The following MAP3K4 variants were observed in gnomAD, a reference collection of about 807,000 sequenced individuals.
MAP3K4 encodes mitogen-activated protein kinase kinase kinase 4.
MAP3K4 carries 67 observed loss-of-function variants against 185.6 expected under a neutral mutation model. That is an observed-to-expected ratio of 0.36 (90% CI 0.30 to 0.44). The LOEUF (loss-of-function observed/expected upper bound fraction) is 0.44. Among genes scored for constraint, MAP3K4 ranks in the 20% least tolerant of loss-of-function variants. The pLI, the probability that MAP3K4 is intolerant of heterozygous loss-of-function variation, is 1.00. For missense variants in MAP3K4, 1,551 were observed against 1,995.1 expected, an observed-to-expected ratio of 0.78 and a Z score of 4.24; for synonymous variants, 702 against 710.4, an observed-to-expected ratio of 0.99 and a Z score of 0.19.
rs1456695997 is a variant in MAP3K4 at position 161,080,919 on chromosome 6, A to G, written c.2136A>G (p.Leu712=). Residue 712 remains leucine (L), a synonymous_variant, in exon 6 of 27, where the codon CTA becomes CTG. Transcript: ENST00000392142. The surrounding 1 kb of genome is among the most constrained non-coding windows in gnomAD (Gnocchi z 4.8). ...ACATGAGAAGCTGGATCCAAATGCT[A>G]CAGCAATTACCTCAAGCATCGCATA... ...FDYMRSWIQM[L]QQLPQASHSL... 1.2e-6 allele frequency: 2 copies of G among 1,614,086 alleles called. No individual in the cohort carries two copies. The highest frequency in any genetic ancestry group is 1.7e-6 in the Non-Finnish European group (2 of 1,179,946).
chr6:161,081,600 G>T (rs951460684), intron 6 of MAP3K4, among the ~76,000 whole-genome samples: 1 of 152,200 alleles, frequency 6.6e-6, no homozygotes, highest in Non-Finnish European at 1.5e-5. Context: ...AGGAATAGAA[G>T]TGTAAACAAG....
At chr6:161,000,813 A>G (rs1781240011) in intron 1 of MAP3K4, among the ~76,000 whole-genome samples, 1 of 141,542 alleles carries the variant, frequency 7.1e-6, no homozygotes, top group African/African-American at 3.0e-5. Context: ...ACCCATATAT[A>G]CACACATGTG....
In MAP3K4 at chr6:161,037,027, A is replaced by G. The variant is rs1449313282; in HGVS notation, c.343+2578A>G. Among the ~76,000 whole-genome samples, 1 of 152,222 alleles carries G rather than the reference A, an allele frequency of 6.6e-6. No individual in the cohort carries two copies. Among genetic ancestry groups the G allele is most frequent in the Non-Finnish European group, 1.5e-5 (1 of 68,046 alleles). On this transcript the variant is annotated intron_variant, in intron 2 of 26. Transcript: ENST00000392142. This position sits in a 1 kb window ranked among gnomAD's most constrained non-coding sequence, Gnocchi z 4.2. ...GAAGTTTTACGGCTTTCAATTTTAA[A>G]TGTCTCAGTCACATGTATATTAGAA...
chr6:161,092,169 A>T, intron 13 of MAP3K4, 26 bp downstream of exon 13: 2 of 1,612,958 alleles, frequency 1.2e-6, no homozygotes, highest in South Asian at 2.2e-5. Flanking sequence ...GATGTTTCTG[A>T]AATGTGTCAT....
At position 161,045,233 on chromosome 6, in the gene MAP3K4, G is replaced by T. The variant is rs144388135; in HGVS notation, c.344-3383G>T. ...TTGGGTTTTGTTTTGGGGTGGGGGG[G>T]AACAAAAAGCTTCTCTGTCCCATCT... is the stretch of plus-strand genomic sequence containing the variant. On this transcript the variant is annotated intron_variant, in intron 2 of 26. Coordinates refer to ENST00000392142, the MANE Select transcript of MAP3K4 (RefSeq NM_005922.4). Among the ~76,000 whole-genome samples, 276 of 151,704 alleles carry T rather than the reference G, an allele frequency of 1.8e-3. 4 individuals are homozygous for T. Among genetic ancestry groups the T allele is most frequent in the African/African-American group, 6.1e-3 (253 of 41,362 alleles).
intron 6 of MAP3K4, among the ~76,000 whole-genome samples, chr6:161,081,713 G>C (rs1052753301): frequency 1.3e-5 from 2 of 152,200 alleles, no homozygotes; most frequent in Non-Finnish European, 2.9e-5. Flanking sequence ...CACAGGCCGC[G>C]TCTCCGTGGT....
chr6:161,076,344 C>T lies in MAP3K4; in HGVS notation c.2097+2732C>T, dbSNP rs1281738623. 2.0e-5 allele frequency among the ~76,000 whole-genome samples: 3 copies of T among 152,058 alleles called. No homozygotes were observed. Among genetic ancestry groups the T allele is most frequent in the Non-Finnish European group, 2.9e-5 (2 of 68,034 alleles). ...CTTCTCTGGTTGTCAGGAAGACTGC[C>T]GAATGGGAGCTCTCTTAGCAGGGGG... On this transcript the variant is annotated intron_variant, in intron 5 of 26. Transcript: ENST00000392142. The surrounding 1 kb of genome is among the most constrained non-coding windows in gnomAD (Gnocchi z 4.2).
chr6:161,050,309 A>G (rs765633202), intron 3 of MAP3K4, among the ~76,000 whole-genome samples: 1 of 152,232 alleles, frequency 6.6e-6, no homozygotes, highest in Non-Finnish European at 1.5e-5. Context: ...CATGTGAGTC[A>G]GGAAAAAAGT....
At position 161,002,595 on chromosome 6, in the gene MAP3K4, T is replaced by C. The variant is rs1223090476; in HGVS notation, c.152+10512T>C. Among the ~76,000 whole-genome samples, 6 of 143,140 alleles carry C rather than the reference T, an allele frequency of 4.2e-5. No homozygotes were observed. The East Asian group carries it at 9.9e-4, about 24-fold the overall frequency. 93.9% of individuals were successfully genotyped at this position (143,140 alleles called of 152,430 possible). A position where few individuals can be genotyped will look rare whatever the true frequency, so the allele number is the denominator to read the frequency against. On this transcript the variant is annotated intron_variant, in intron 1 of 26. Coordinates refer to ENST00000392142, the MANE Select transcript of MAP3K4 (RefSeq NM_005922.4). ...CATCTAAAAATAGTTTTGGCTTTTTTTTTTTTTTTTTTTTGAGATGGAGTC... is the reference window on the plus strand; with the variant it reads ...CATCTAAAAATAGTTTTGGCTTTTTCTTTTTTTTTTTTTTGAGATGGAGTC...
At chr6:161,039,514 C>G (rs1483352681) in intron 2 of MAP3K4, among the ~76,000 whole-genome samples, 1 of 152,120 alleles carries the variant, frequency 6.6e-6, no homozygotes, top group Admixed American at 6.5e-5. Context: ...ATTGTAAATT[C>G]AGATCTTGAG....
chr6:161,004,856 G>A (rs1181404598), intron 1 of MAP3K4, among the ~76,000 whole-genome samples: 2 of 152,174 alleles, frequency 1.3e-5, no homozygotes, highest in Non-Finnish European at 2.9e-5. Flanking sequence ...CTTGCTGTTT[G>A]TGCAGATAAT....
At chr6:160,994,300 C>T (rs1780891275) in intron 1 of MAP3K4, among the ~76,000 whole-genome samples, 1 of 152,166 alleles carries the variant, frequency 6.6e-6, no homozygotes, top group Non-Finnish European at 1.5e-5. Flanking sequence ...CGCTCTGAGC[C>T]TTCCCCCGAG....
In MAP3K4 at chr6:161,106,628, C is replaced by T. The variant is rs368883700; in HGVS notation, c.3971C>T (p.Thr1324Met). The T allele has an allele frequency of 8.7e-6, 14 of 1,613,728 alleles. No homozygotes were observed. Among genetic ancestry groups the T allele is most frequent in the Non-Finnish European group, 1.2e-5 (14 of 1,179,896 alleles). Residue 1324 changes from threonine to methionine, a missense_variant, in exon 20 of 27, where the codon ACG becomes ATG. Thr to Met is a moderately conservative substitution (Grantham distance 81, BLOSUM62 -1). This residue lies in a region of MAP3K4 where 272 missense variants were observed against 301.2 expected (regional missense o/e 0.90). Transcript: ENST00000392142. This position sits in a 1 kb window ranked among gnomAD's most constrained non-coding sequence, Gnocchi z 4.9. Reference sequence around the variant, plus strand: ...AATATCATTGGTCAAGTTTGTGATACGCCTAAGTCCTATGATAATGTTATG... The same window carrying T: ...AATATCATTGGTCAAGTTTGTGATATGCCTAAGTCCTATGATAATGTTATG... ...RKNIIGQVCD[T>M]PKSYDNVMHV...
In MAP3K4 at chr6:161,064,669, T is replaced by C. The variant is rs1474194731; in HGVS notation, c.1708-5939T>C. ...TCTTCCACATGGGCTTTATTATGGA[T>C]TTGTCAAATCCACACAACATGACAT... On this transcript the variant is annotated intron_variant, in intron 3 of 26. Coordinates refer to ENST00000392142, the MANE Select transcript of MAP3K4 (RefSeq NM_005922.4). This position sits in a 1 kb window ranked among gnomAD's most constrained non-coding sequence, Gnocchi z 4.3. 6.6e-6 allele frequency among the ~76,000 whole-genome samples: 1 copy of C among 152,228 alleles called. No individual in the cohort carries two copies. The highest frequency in any genetic ancestry group is 1.5e-5 in the Non-Finnish European group (1 of 68,044).
At chr6:161,059,858 CT>C in intron 3 of MAP3K4, among the ~76,000 whole-genome samples, 1 of 94,918 alleles carries the variant, frequency 1.1e-5, no homozygotes, top group East Asian at 3.0e-4. Context: ...TAGATTCCCC[CT>C]GCCTTTTTTT....
chr6:161,072,785 T>C (rs1210883759), intron 4 of MAP3K4, among the ~76,000 whole-genome samples: 1 of 152,230 alleles, frequency 6.6e-6, no homozygotes, highest in Non-Finnish European at 1.5e-5. Flanking sequence ...TGTGTCTCAG[T>C]CTTTTTATTA....
chr6:161,076,516 T>C lies in MAP3K4; in HGVS notation c.2097+2904T>C, dbSNP rs1785186212. ...AGTAACTTGGTGAGCATTTGGAACATCAAATCTAAATCAAAGCTGTGAATT... is the reference window on the plus strand; with the variant it reads ...AGTAACTTGGTGAGCATTTGGAACACCAAATCTAAATCAAAGCTGTGAATT... On this transcript the variant is annotated intron_variant, in intron 5 of 26. Transcript: ENST00000392142. The surrounding 1 kb of genome is among the most constrained non-coding windows in gnomAD (Gnocchi z 4.2). 6.6e-6 allele frequency among the ~76,000 whole-genome samples: 1 copy of C among 152,196 alleles called. No homozygotes were observed. The highest frequency in any genetic ancestry group is 1.5e-5 in the Non-Finnish European group (1 of 68,044).
Position 161,092,160 on chromosome 6 carries a change from A to G in MAP3K4, c.3269+17A>G. On this transcript the variant is annotated intron_variant, in intron 13 of 26. Coordinates refer to ENST00000392142, the MANE Select transcript of MAP3K4 (RefSeq NM_005922.4). ...AAGACCCAGGTAATGACCAAGTAGG[A>G]TGTTTCTGAAATGTGTCATGTGGGC... 6.2e-7 allele frequency: 1 copy of G among 1,613,282 alleles called. No homozygotes were observed. Among genetic ancestry groups the G allele is most frequent in the Admixed American group, 1.7e-5 (1 of 59,990 alleles).
intron 3 of MAP3K4, among the ~76,000 whole-genome samples, chr6:161,069,531 C>T (rs1784842578): frequency 6.6e-6 from 1 of 152,084 alleles, no homozygotes; most frequent in African/African-American, 2.4e-5. Context: ...CATGGAGGGT[C>T]TTCCATAGCA....
Sources: gnomAD v4.1 joint callset for allele counts (sites outside exome capture counted in the v4.1 genomes callset) on GRCh38, gnomAD v4.1.1 for gene constraint, gnomAD v4.1.1 regional missense constraint, Gnocchi (gnomAD v3.1) non-coding constraint, MANE v1.5 for transcripts, NCBI Gene and HGNC (gene_info 2026-07-23, HGNC 2026-07-21) for gene names.